Variants in SLC25A48 observed in about 807,000 individuals in gnomAD.
The protein encoded by SLC25A48 is solute carrier family 25 member 48.
In SLC25A48, 29 loss-of-function variants were observed where a neutral mutation model predicts 32.2. That is an observed-to-expected ratio of 0.90 (90% CI 0.67 to 1.23). SLC25A48 has a LOEUF of 1.23. Ranked by LOEUF, SLC25A48 falls within the 50% of genes most tolerant of loss-of-function variation. The pLI is 0.00. For synonymous variants in SLC25A48, 164 were observed against 172.3 expected (o/e 0.95, Z 0.38); for missense variants, 399 against 422.7 (o/e 0.94, Z 0.49).
chr5:135,653,088 C>G (rs1385496359), intron 3 of SLC25A48, among the ~76,000 whole-genome samples: 1 of 152,206 alleles, frequency 6.6e-6, no homozygotes, highest in Non-Finnish European at 1.5e-5. Context: ...CATGGGAAGA[C>G]ATAGCAAGAA....
chr5:135,635,732 C>T (rs557607012), intron 3 of SLC25A48, among the ~76,000 whole-genome samples: 8 of 152,128 alleles, frequency 5.3e-5, no homozygotes, highest in East Asian at 1.9e-4. Flanking sequence ...CATCCATGAA[C>T]GCAGAATTGG....
At chr5:135,599,018 G>A (rs1016734638) in intron 1 of SLC25A48, among the ~76,000 whole-genome samples, 9 of 151,938 alleles carry the variant, frequency 5.9e-5, no homozygotes, top group African/African-American at 2.2e-4. Flanking sequence ...GATATAACGA[G>A]GTGTGTCTGA....
At chr5:135,823,300 C>T (rs945362502) in intron 4 of SLC25A48, among the ~76,000 whole-genome samples, 2 of 152,170 alleles carry the variant, frequency 1.3e-5, no homozygotes, top group African/African-American at 4.8e-5. Context: ...GGCTCTGGGT[C>T]TGGCATAGTC....
intron 3 of SLC25A48, among the ~76,000 whole-genome samples, chr5:135,678,923 T>C (rs958083140): frequency 1.3e-5 from 2 of 152,120 alleles, no homozygotes; most frequent in Admixed American, 6.5e-5. Flanking sequence ...GTGGTTACAG[T>C]CACAGGCTGA....
chr5:135,830,629 C>T (rs1758180413), upstream of SLC25A48, among the ~76,000 whole-genome samples: 1 of 152,228 alleles, frequency 6.6e-6, no homozygotes, highest in South Asian at 2.1e-4. Context: ...AAATCCTGCT[C>T]CCAATGAGAA....
At chr5:135,757,933 ATATC>A (rs1433679540) in intron 3 of SLC25A48, among the ~76,000 whole-genome samples, 2 of 150,476 alleles carry the variant, frequency 1.3e-5, no homozygotes, top group South Asian at 2.1e-4. Flanking sequence ...TATTAATAAA[ATATC>A]TACATGATAT....
chr5:135,858,017 G>A (rs1008382518), intron 4 of SLC25A48, among the ~76,000 whole-genome samples: 2 of 152,180 alleles, frequency 1.3e-5, no homozygotes, highest in African/African-American at 4.8e-5. Flanking sequence ...ATGGGGAGGT[G>A]CTGACATGTC....
chr5:135,656,126 C>A (rs73283283), intron 3 of SLC25A48, among the ~76,000 whole-genome samples: 1 of 152,094 alleles, frequency 6.6e-6, no homozygotes, highest in Non-Finnish European at 1.5e-5. Context: ...CATTAGTTGG[C>A]TTTAAGAACT....
chr5:135,668,992 AAG>A (rs1219096569), intron 3 of SLC25A48, among the ~76,000 whole-genome samples: 1 of 152,154 alleles, frequency 6.6e-6, no homozygotes, highest in Non-Finnish European at 1.5e-5. Context: ...ATTCTAATAA[AAG>A]AGAATGTCAG....
intron 3 of SLC25A48, among the ~76,000 whole-genome samples, chr5:135,730,077 C>G (rs971934587): frequency 6.6e-6 from 1 of 152,168 alleles, no homozygotes. Context: ...CTTTGGGGCT[C>G]AGACCGAAGA....
chr5:135,770,760 A>C (rs961556455), intron 3 of SLC25A48, among the ~76,000 whole-genome samples: 1 of 151,574 alleles, frequency 6.6e-6, no homozygotes, highest in Non-Finnish European at 1.5e-5. Flanking sequence ...CCTAATATCC[A>C]TAATGTGAGA....
chr5:135,602,550 G>T (rs1751822635), intron 1 of SLC25A48, among the ~76,000 whole-genome samples: 1 of 151,578 alleles, frequency 6.6e-6, no homozygotes, highest in Non-Finnish European at 1.5e-5. Flanking sequence ...TTATTGCAAA[G>T]CATTGCCACC....
chr5:135,719,332 T>A (rs1288737697), intron 3 of SLC25A48, among the ~76,000 whole-genome samples: 1 of 152,084 alleles, frequency 6.6e-6, no homozygotes, highest in African/African-American at 2.4e-5. Flanking sequence ...TTGGGCCCAC[T>A]AGTGTACCAG....
At chr5:135,594,356 T>C (rs1751597843) in intron 1 of SLC25A48, among the ~76,000 whole-genome samples, 1 of 152,098 alleles carries the variant, frequency 6.6e-6, no homozygotes, top group Admixed American at 6.5e-5. Flanking sequence ...GACCCCCAAG[T>C]CCCATTACAA....
chr5:135,874,069 G>T lies in SLC25A48; in HGVS notation c.728G>T (p.Arg243Leu). The T allele has an allele frequency of 2.6e-6, 4 of 1,530,026 alleles. No individual in the cohort carries two copies. The highest frequency in any genetic ancestry group is 1.2e-5 in the South Asian group (1 of 83,118). The allele number at this position is 1,530,026 out of a possible 1,614,324, so 94.8% of individuals were successfully genotyped here. Residue 243 changes from arginine to leucine, a missense_variant, in exon 6 of 8, where the codon CGA becomes CTA. By Grantham distance (102) the Arg-to-Leu change is moderately radical. Transcript: ENST00000681962. ...ACTCCTATGGATGTCGTGAAAAGTCGACTCCAAGCTGATGGGGTTTATTTA... is the reference window on the plus strand; with the variant it reads ...ACTCCTATGGATGTCGTGAAAAGTCTACTCCAAGCTGATGGGGTTTATTTA... ...TATPMDVVKS[R>L]LQADGVYLNK...
rs559691295 is a variant in SLC25A48, at chr5:135,724,867, T to TGAC, written c.-520-87655_-520-87653dup. Among the ~76,000 whole-genome samples the TGAC allele has an allele frequency of 2.0e-4, 31 of 152,340 alleles. No homozygotes were observed. In the East Asian group the frequency reaches 5.6e-3, roughly 27 times the overall value. On this transcript the variant is annotated intron_variant, in intron 3 of 10. Coordinates refer to the SLC25A48 transcript ENST00000646290. ...ATGGCAGAAACTGGAAAGAAGGCAG[T>TGAC]GACTGGTGCCCAGTGTGGTGAACAG...
chr5:135,585,035 G>C (rs534164765), intron 1 of SLC25A48, among the ~76,000 whole-genome samples: 10 of 152,234 alleles, frequency 6.6e-5, no homozygotes, highest in Non-Finnish European at 1.2e-4. Flanking sequence ...CTGAGCAGAC[G>C]CTGGCGATGG....
chr5:135,699,617 G>A (rs548835167), intron 3 of SLC25A48, among the ~76,000 whole-genome samples: 13 of 152,294 alleles, frequency 8.5e-5, no homozygotes, highest in Middle Eastern at 3.4e-3. Context: ...TCATCAACTG[G>A]AACACGTGAG....
At chr5:135,758,136 T>C (rs1043072238) in intron 3 of SLC25A48, among the ~76,000 whole-genome samples, 1 of 150,822 alleles carries the variant, frequency 6.6e-6, no homozygotes, top group Non-Finnish European at 1.5e-5. Context: ...CTGGTATTGT[T>C]AACACACGAT....
Sources: allele counts gnomAD v4.1 joint callset (sites outside exome capture counted in the v4.1 genomes callset), GRCh38; gene constraint gnomAD v4.1.1; transcripts MANE v1.5; gene names NCBI Gene and HGNC (gene_info 2026-07-23, HGNC 2026-07-21).